Variants in XPR1 observed in about 807,000 individuals in gnomAD.
XPR1 encodes the protein xenotropic and polytropic retrovirus receptor 1.
XPR1 carries 28 observed loss-of-function variants against 87.5 expected under a neutral mutation model. That is an observed-to-expected ratio of 0.32 (90% confidence interval 0.24 to 0.44). The LOEUF is 0.44. Ranked by LOEUF, XPR1 falls within the 20% of genes least tolerant of loss-of-function variation. The pLI is 1.00. For missense variants in XPR1, 559 were observed against 862.3 expected (o/e 0.65, Z 4.41); for synonymous variants, 300 against 306.1 (o/e 0.98, Z 0.21).
rs140727457 is a variant in XPR1 at position 180,888,668 on chromosome 1, TTAGC to T, written c.*4605_*4608del. The T allele has an allele frequency of 0.066, 10,073 of 152,252 alleles. 483 individuals are homozygous for T. Among genetic ancestry groups the T allele is most frequent in the Admixed American group, 0.13 (2,045 of 15,284 alleles). The allele number at this position is 152,252 out of a possible 1,614,324, so 9.4% of individuals were successfully genotyped here. A position where few individuals can be genotyped will look rare whatever the true frequency, so the allele number is the denominator to read the frequency against. On this transcript the variant is annotated 3_prime_UTR_variant, in exon 15 of 15. Coordinates refer to ENST00000367590, the MANE Select transcript of XPR1 (RefSeq NM_004736.4). ...TCTAAATTTTTCTTGCTTGTGATCA[TTAGC>T]TAAGACAAGGAGTGTTAAAGGTTTT...
intron 11 of XPR1, among the ~76,000 whole-genome samples, chr1:180,861,945 A>G (rs1269450202): frequency 6.6e-6 from 1 of 152,152 alleles, no homozygotes; most frequent in Non-Finnish European, 1.5e-5. Flanking sequence ...TGCAAGTACA[A>G]TAAATACATC....
chr1:180,701,922 G>A (rs1392444194), intron 2 of XPR1, among the ~76,000 whole-genome samples: 1 of 115,686 alleles, frequency 8.6e-6, no homozygotes, highest in Non-Finnish European at 1.7e-5. Context: ...AGGGTTTTTT[G>A]TGTCTCTATT....
chr1:180,687,556 A>G (rs1218424335), intron 2 of XPR1, among the ~76,000 whole-genome samples: 5 of 152,110 alleles, frequency 3.3e-5, no homozygotes, highest in Admixed American at 1.3e-4. Context: ...CCTTTACTTC[A>G]TTGATAAAAT....
chr1:180,811,091 T>C (rs1650194533), intron 6 of XPR1, among the ~76,000 whole-genome samples: 1 of 152,178 alleles, frequency 6.6e-6, no homozygotes, highest in Non-Finnish European at 1.5e-5. Flanking sequence ...TTACTGGTTT[T>C]TGTTCCTGAA....
chr1:180,884,196 G>C lies in XPR1; in HGVS notation c.*130G>C. ...CATAACACATTTTCCGAGCTCTTCC[G>C]GATCGGATCCTATGGACTCCAAACA... On this transcript the variant is annotated 3_prime_UTR_variant, in exon 15 of 15. Coordinates refer to ENST00000367590, the MANE Select transcript of XPR1 (RefSeq NM_004736.4). The C allele has an allele frequency of 1.5e-6, 1 of 667,642 alleles. No individual in the cohort carries two copies. The highest frequency in any genetic ancestry group is 3.1e-5 in the Admixed American group (1 of 31,932). The allele number at this position is 667,642 out of a possible 1,614,324, so 41.4% of individuals were successfully genotyped here. A position where few individuals can be genotyped will look rare whatever the true frequency, so the allele number is the denominator to read the frequency against.
chr1:180,694,369 A>G (rs1657093409), intron 2 of XPR1, among the ~76,000 whole-genome samples: 2 of 152,192 alleles, frequency 1.3e-5, no homozygotes, highest in South Asian at 2.1e-4. Context: ...TACCTGCTGT[A>G]TTGTGAAAGG....
intron 11 of XPR1, among the ~76,000 whole-genome samples, chr1:180,841,070 T>C (rs565610751): frequency 6.6e-6 from 1 of 152,328 alleles, no homozygotes; most frequent in Admixed American, 6.5e-5. Flanking sequence ...TGTACTGTTT[T>C]AGACATGGCT....
In XPR1 at chr1:180,834,786, T is replaced by C. The variant is rs2271669; in HGVS notation, c.1135-88T>C. 529,089 of 1,380,396 alleles carry C rather than the reference T, an allele frequency of 0.38. 104,005 individuals are homozygous for C. Among genetic ancestry groups the C allele is most frequent in the Non-Finnish European group, 0.4 (415,928 of 1,033,814 alleles). The allele number at this position is 1,380,396 out of a possible 1,614,324, so 85.5% of individuals were successfully genotyped here. A position where few individuals can be genotyped will look rare whatever the true frequency, so the allele number is the denominator to read the frequency against. ...TTGGTTTCCATTTTATCAACTAAAG[T>C]AATCATGCTGAATGGTCAGACATGA... On this transcript the variant is annotated intron_variant, in intron 9 of 14. Transcript: ENST00000367590.
rs146486929 is a variant in XPR1 at position 180,665,606 on chromosome 1, T to C, written c.70-16754T>C. ...CTGGACTAAATGCTCCTTCCATGGGTGCTGGCTGAATTCAGCCCAGTGTTG... is the reference window on the plus strand; with the variant it reads ...CTGGACTAAATGCTCCTTCCATGGGCGCTGGCTGAATTCAGCCCAGTGTTG... On this transcript the variant is annotated intron_variant, in intron 1 of 14. Coordinates refer to ENST00000367590, the MANE Select transcript of XPR1 (RefSeq NM_004736.4). 5.7e-3 allele frequency among the ~76,000 whole-genome samples: 863 copies of C among 152,290 alleles called. 6 individuals carry two copies. The highest frequency in any genetic ancestry group is 6.9e-3 in the Admixed American group (105 of 15,294).
rs1653038533 is a variant in XPR1 at position 180,887,157 on chromosome 1, G to C, written c.*3091G>C. The C allele has an allele frequency of 6.6e-6, 1 of 152,200 alleles. No individual in the cohort carries two copies. The highest frequency in any genetic ancestry group is 6.5e-5 in the Admixed American group (1 of 15,278). The allele number at this position is 152,200 out of a possible 1,614,324, so 9.4% of individuals were successfully genotyped here. On this transcript the variant is annotated 3_prime_UTR_variant, in exon 15 of 15. Coordinates refer to ENST00000367590, the MANE Select transcript of XPR1 (RefSeq NM_004736.4). ...ACTGCACTCCACTGCCACTGCCTGG[G>C]CAACAGAGCAAGACTCCATCTCAAA...
chr1:180,744,388 T>C (rs1659013466), intron 2 of XPR1, among the ~76,000 whole-genome samples: 1 of 152,170 alleles, frequency 6.6e-6, no homozygotes, highest in Non-Finnish European at 1.5e-5. Context: ...AGAGCATTCC[T>C]TTCTATTCCT....
intron 2 of XPR1, among the ~76,000 whole-genome samples, chr1:180,684,621 CA>C: frequency 6.6e-6 from 1 of 152,228 alleles, no homozygotes; most frequent in East Asian, 1.9e-4. Flanking sequence ...TACCCATGAG[CA>C]TGGAATGTTC....
chr1:180,720,838 A>C (rs1286967373), intron 2 of XPR1, among the ~76,000 whole-genome samples: 7 of 152,194 alleles, frequency 4.6e-5, no homozygotes, highest in Admixed American at 2.6e-4. Context: ...TTTCTATTCA[A>C]GAGTTATGTG....
At chr1:180,737,955 G>T (rs1234827123) in intron 2 of XPR1, among the ~76,000 whole-genome samples, 2 of 152,090 alleles carry the variant, frequency 1.3e-5, no homozygotes, top group Non-Finnish European at 1.5e-5. Context: ...TATTTCTGTA[G>T]ATACTAAGGA....
At chr1:180,759,320 T>A (rs1414536947) in intron 2 of XPR1, among the ~76,000 whole-genome samples, 1 of 152,076 alleles carries the variant, frequency 6.6e-6, no homozygotes, top group Non-Finnish European at 1.5e-5. Context: ...AATTAATGAA[T>A]CCAGGAGCTG....
intron 2 of XPR1, 76 bp from the exon 3 acceptor site, chr1:180,787,677 T>C (rs1054235007): frequency 3.0e-6 from 3 of 998,584 alleles, no homozygotes; most frequent in Non-Finnish European, 4.5e-6. Context: ...CAAAAAGTAA[T>C]CTTAGTTTTT....
At position 180,888,985 on chromosome 1, in the gene XPR1, G is replaced by A. The variant is rs1428373692; in HGVS notation, c.*4919G>A. On this transcript the variant is annotated 3_prime_UTR_variant, in exon 15 of 15. Transcript: ENST00000367590. ...GAAGTTTGCCTGAGAACAGAGAGGAGCCTGTTGATTGGCATGGCTCATGAT... is the reference window on the plus strand; with the variant it reads ...GAAGTTTGCCTGAGAACAGAGAGGAACCTGTTGATTGGCATGGCTCATGAT... 6.6e-6 allele frequency: 1 copy of A among 152,236 alleles called. No homozygotes were observed. Among genetic ancestry groups the A allele is most frequent in the Non-Finnish European group, 1.5e-5 (1 of 68,040 alleles). The allele number at this position is 152,236 out of a possible 1,614,324, so 9.4% of individuals were successfully genotyped here.
intron 1 of XPR1, among the ~76,000 whole-genome samples, chr1:180,668,997 G>A (rs1656061629): frequency 6.6e-6 from 1 of 151,862 alleles, no homozygotes; most frequent in African/African-American, 2.4e-5. Flanking sequence ...GCTGAGGCAG[G>A]AGAATCGCTT....
Position 180,861,183 on chromosome 1 carries a change from CTTA to C in XPR1, c.1502-2518_1502-2516del, listed in dbSNP as rs375259120. On this transcript the variant is annotated intron_variant, in intron 11 of 14. Transcript: ENST00000367590. ...CTTTTACTAGCAGACAAAACAATAG[CTTA>C]TTATTAGGAAAATTAAATGAGACAA... Among the ~76,000 whole-genome samples the C allele has an allele frequency of 3.2e-3, 490 of 152,180 alleles. 4 individuals carry two copies. The highest frequency in any genetic ancestry group is 0.011 in the African/African-American group (451 of 41,556).
Sources: allele counts gnomAD v4.1 joint callset (sites outside exome capture counted in the v4.1 genomes callset), GRCh38; gene constraint gnomAD v4.1.1; transcripts MANE v1.5; gene names NCBI Gene and HGNC (gene_info 2026-07-23, HGNC 2026-07-21).